PWWP2A: variants seen among roughly 807,000 people sequenced by gnomAD.
PWWP2A encodes the protein PWWP domain containing 2A.
A neutral mutation model predicts 48.5 loss-of-function variants in PWWP2A; 18 were observed. The ratio of observed to expected loss-of-function variants is 0.37; its 90% CI spans 0.26 to 0.55. The LOEUF is 0.55. Ranked by LOEUF, PWWP2A falls within the 20% of genes least tolerant of loss-of-function variation. PWWP2A has a pLI of 0.81. For synonymous variants in PWWP2A, 396 were observed against 387.7 expected, an observed-to-expected ratio of 1.02 and a Z score of -0.25; for missense variants, 867 against 976.4, an observed-to-expected ratio of 0.89 and a Z score of 1.49.
At position 160,097,713 on chromosome 5, in the gene PWWP2A, G is replaced by GT. The variant is rs1009843586; in HGVS notation, c.585-3649_585-3648insA. On this transcript the variant is annotated intron_variant, in intron 1 of 1. Transcript: ENST00000307063. Reference sequence around the variant, plus strand: ...TACTAGAGGTTTTTTTTTTGGGGGGGGGGGCGGTTGTTTTGTTTTTTTGAG... The same window carrying GT: ...TACTAGAGGTTTTTTTTTTGGGGGGGTGGGGCGGTTGTTTTGTTTTTTTGAG... Among the ~76,000 whole-genome samples, 14 of 147,180 alleles carry GT rather than the reference G, an allele frequency of 9.5e-5. 1 individual carries two copies. Among genetic ancestry groups the GT allele is most frequent in the African/African-American group, 3.2e-4 (13 of 40,428 alleles).
chr5:160,103,996 C>T (rs975868427), intron 1 of PWWP2A, among the ~76,000 whole-genome samples: 3 of 151,728 alleles, frequency 2.0e-5, no homozygotes, highest in South Asian at 2.1e-4. Flanking sequence ...TGGCGGTGTG[C>T]ATCCATAATC....
At chr5:160,063,086 G>A (rs1371419232) in intron 5 of PWWP2A, among the ~76,000 whole-genome samples, 1 of 152,196 alleles carries the variant, frequency 6.6e-6, no homozygotes, top group Non-Finnish European at 1.5e-5. Flanking sequence ...GCCATCCCAG[G>A]TTCTGGGAGC....
At chr5:160,051,126 C>A in the PWWP2A span, 2 of 1,587,342 alleles carry the variant, frequency 1.3e-6, no homozygotes, top group Admixed American at 1.8e-5. Flanking sequence ...CTCTTTTCCT[C>A]AGAGATTACC....
chr5:160,093,642 A>G lies in PWWP2A; in HGVS notation c.1008T>C (p.Ile336=), dbSNP rs1274969005. The G allele has an allele frequency of 6.2e-7, 1 of 1,613,804 alleles. No individual in the cohort carries two copies. Among genetic ancestry groups the G allele is most frequent in the Non-Finnish European group, 8.5e-7 (1 of 1,179,886 alleles). ...AGTCAGTTGCACTACTACCTTTTCT[A>G]ATTTCCTTTTTTTCAGCAACAACAC... ...KNSVVAEKKE[I]RKGSSATDSS... Residue 336 remains isoleucine (I), a synonymous_variant, in exon 2 of 2, where the codon ATT becomes ATC. Coordinates refer to ENST00000307063, the MANE Select transcript of PWWP2A (RefSeq NM_001130864.2). This position sits in a 1 kb window ranked among gnomAD's most constrained non-coding sequence, Gnocchi z 5.8.
intron 4 of PWWP2A, among the ~76,000 whole-genome samples, chr5:160,064,000 A>C: frequency 2.5e-5 from 3 of 119,690 alleles, no homozygotes; most frequent in African/African-American, 3.3e-5. Context: ...ACGGAGTCTC[A>C]CTCTGTCACC....
intron 1 of PWWP2A, among the ~76,000 whole-genome samples, chr5:160,094,269 AAAAC>A (rs1755385949): frequency 6.6e-6 from 1 of 152,252 alleles, no homozygotes; most frequent in Non-Finnish European, 1.5e-5. Context: ...ATTTTTGGTA[AAAAC>A]AAACAGCTGC....
At chr5:160,105,852 C>G (rs1756845978) in intron 1 of PWWP2A, 1 of 154,824 alleles carries the variant, frequency 6.5e-6, no homozygotes, top group African/African-American at 2.4e-5. Context: ...TTTTCAAATT[C>G]AGTCATCCAG....
intron 4 of PWWP2A, among the ~76,000 whole-genome samples, chr5:160,066,329 C>CTTTT (rs1753609798): frequency 1.7e-5 from 1 of 59,150 alleles, no homozygotes. Context: ...GGGGGTCTCG[C>CTTTT]TCTGTCACCC....
At chr5:160,111,300 T>C (rs921203558) in intron 1 of PWWP2A, among the ~76,000 whole-genome samples, 22 of 152,254 alleles carry the variant, frequency 1.4e-4, no homozygotes, top group African/African-American at 5.3e-4. Context: ...CCCAAGTAGC[T>C]GGGATTACAG....
intron 3 of PWWP2A, chr5:160,080,590 A>G: frequency 7.2e-7 from 1 of 1,388,792 alleles, no homozygotes; most frequent in Non-Finnish European, 9.5e-7. Context: ...CTACTTCAGG[A>G]ATGATTAAGT....
rs1755370836 is a variant in PWWP2A at position 160,094,136 on chromosome 5, C to T, written c.585-71G>A. On this transcript the variant is annotated intron_variant, in intron 1 of 1. Transcript: ENST00000307063. ...TATAATTCAATTTCTTAAACGTAAACAACATCTGATGCTTATTTATATAAC... is the reference window on the plus strand; with the variant it reads ...TATAATTCAATTTCTTAAACGTAAATAACATCTGATGCTTATTTATATAAC... 17 of 1,426,822 alleles carry T rather than the reference C, an allele frequency of 1.2e-5. No homozygotes were observed. In the East Asian group the frequency reaches 1.6e-4, roughly 14 times the overall value. The allele number at this position is 1,426,822 out of a possible 1,614,324, so 88.4% of individuals were successfully genotyped here. A position where few individuals can be genotyped will look rare whatever the true frequency, so the allele number is the denominator to read the frequency against.
chr5:160,080,127 C>A (rs182458322), intron 3 of PWWP2A, among the ~76,000 whole-genome samples: 7 of 152,134 alleles, frequency 4.6e-5, no homozygotes, highest in Admixed American at 2.6e-4. Context: ...TCTTTTACCA[C>A]CCTCTGGAAT....
rs113550234 is a variant in PWWP2A at position 160,067,317 on chromosome 5, C to G, written c.*80-446G>C. Among the ~76,000 whole-genome samples, 1,462 of 152,070 alleles carry G rather than the reference C, an allele frequency of 9.6e-3. 24 individuals carry two copies. Among genetic ancestry groups the G allele is most frequent in the African/African-American group, 0.033 (1,365 of 41,484 alleles). ...TCTTATGAAAATAGCTTTCATAATA[C>G]AAAATACAGATAGACACCTTGAAAT... On this transcript the variant is annotated intron_variant and NMD_transcript_variant, in intron 2 of 5. Transcript: ENST00000524050.
the PWWP2A span, among the ~76,000 whole-genome samples, chr5:160,046,400 T>C: frequency 3.3e-5 from 5 of 152,160 alleles, no homozygotes; most frequent in Admixed American, 6.6e-5. Flanking sequence ...TCATTGGCTA[T>C]TCCTTCTTAT....
At chr5:160,104,532 G>A (rs1215295758) in intron 1 of PWWP2A, among the ~76,000 whole-genome samples, 1 of 152,180 alleles carries the variant, frequency 6.6e-6, no homozygotes. Flanking sequence ...GCCAGGCACA[G>A]TGGCTCACAC....
At chr5:160,105,668 C>A (rs1387933606) in intron 1 of PWWP2A, 5 of 981,614 alleles carry the variant, frequency 5.1e-6, no homozygotes, top group Admixed American at 6.2e-5. Flanking sequence ...AAGCCATCAG[C>A]CCCAGGTGCT....
chr5:160,052,005 A>G, the PWWP2A span, among the ~76,000 whole-genome samples: 1 of 152,266 alleles, frequency 6.6e-6, no homozygotes, highest in Non-Finnish European at 1.5e-5. Flanking sequence ...GCATCCAGAC[A>G]ATGGGAACAA....
chr5:160,108,509 G>A, intron 1 of PWWP2A: 1 of 1,060,510 alleles, frequency 9.4e-7, no homozygotes, highest in Non-Finnish European at 1.3e-6. Context: ...TCTCAACCTG[G>A]ACACTGTAGT....
chr5:160,055,029 TG>T, the PWWP2A span, among the ~76,000 whole-genome samples: 2 of 152,138 alleles, frequency 1.3e-5, no homozygotes, highest in South Asian at 4.1e-4. Flanking sequence ...AGTGCCTTCC[TG>T]GGGGTTGGTT....
Sources: gnomAD v4.1 joint callset for allele counts (sites outside exome capture counted in the v4.1 genomes callset) on GRCh38, gnomAD v4.1.1 for gene constraint, Gnocchi (gnomAD v3.1) non-coding constraint, MANE v1.5 for transcripts, NCBI Gene and HGNC (gene_info 2026-07-23, HGNC 2026-07-21) for gene names.